Variants in MRAP2 observed in about 807,000 individuals in gnomAD.
MRAP2 encodes melanocortin-2 receptor accessory protein 2.
A neutral mutation model predicts 17.4 loss-of-function variants in MRAP2; 20 were observed. The observed-to-expected ratio is 1.15, with a 90% CI of 0.81 to 1.67. MRAP2 has a LOEUF of 1.67. Among genes scored for constraint, MRAP2 ranks in the 40% most tolerant of loss-of-function variants. MRAP2 has a pLI of 0.00. For synonymous variants in MRAP2, 96 were observed against 88.4 expected (o/e 1.09, Z -0.48); for missense variants, 238 against 240.0 (o/e 0.99, Z 0.05).
chr6:84,040,870 A>G (rs1474947774), intron 1 of MRAP2, among the ~76,000 whole-genome samples: 2 of 152,340 alleles, frequency 1.3e-5, no homozygotes, highest in African/African-American at 4.8e-5. Context: ...ATGTGGTAGA[A>G]AAGAAAAACT....
At chr6:84,094,778 G>A (rs6902104), downstream of MRAP2, among the ~76,000 whole-genome samples, 9,975 of 151,590 alleles carry the variant, frequency 0.066, 867 homozygotes, top group African/African-American at 0.2. Flanking sequence ...TGCAACCCCC[G>A]CCTCCTGGGT....
chr6:84,045,759 C>CA (rs1461409081), intron 1 of MRAP2, among the ~76,000 whole-genome samples: 163 of 149,276 alleles, frequency 1.1e-3, no homozygotes, highest in African/African-American at 3.9e-3. Context: ...AAGACTGTCT[C>CA]ATAAAAAAAA....
chr6:84,050,340 G>A (rs909396912), intron 1 of MRAP2, among the ~76,000 whole-genome samples: 1 of 152,124 alleles, frequency 6.6e-6, no homozygotes. Flanking sequence ...GGACACTGTG[G>A]CAGCTTTGAG....
the MRAP2 span, among the ~76,000 whole-genome samples, chr6:84,111,086 T>G: frequency 6.6e-6 from 1 of 152,194 alleles, no homozygotes; most frequent in South Asian, 2.1e-4. Context: ...CTAAATGAGC[T>G]GTTTTTTTGG....
chr6:84,078,526 G>GCC lies in MRAP2; in HGVS notation c.228-10561_228-10560dup, dbSNP rs2099498179. ...TTGCTATGGCTTGGATAGCTTGTTT[G>GCC]CCCCCACCAAAGCTCATGTTGAAAT... On this transcript the variant is annotated intron_variant, in intron 3 of 3. Coordinates refer to ENST00000257776, the MANE Select transcript of MRAP2 (RefSeq NM_138409.4). Among the ~76,000 whole-genome samples, 4 of 152,220 alleles carry GCC rather than the reference G, an allele frequency of 2.6e-5. 1 individual carries two copies. In the South Asian group the frequency reaches 8.3e-4, roughly 32 times the overall value.
the MRAP2 span, among the ~76,000 whole-genome samples, chr6:84,142,603 T>A: frequency 6.6e-6 from 1 of 152,190 alleles, no homozygotes; most frequent in Non-Finnish European, 1.5e-5. Flanking sequence ...AAATCTGGGA[T>A]ATGATTAGTT....
At chr6:84,126,302 G>A in the MRAP2 span, 1 of 1,084,198 alleles carries the variant, frequency 9.2e-7, no homozygotes, top group Non-Finnish European at 1.2e-6. Flanking sequence ...TTTTGCTAGG[G>A]ATGACAAAAC....
At chr6:84,078,147 A>G (rs2099498064) in intron 3 of MRAP2, among the ~76,000 whole-genome samples, 1 of 152,212 alleles carries the variant, frequency 6.6e-6, no homozygotes, top group South Asian at 2.1e-4. Flanking sequence ...TTGATAAACA[A>G]CTGATTAAAA....
At chr6:84,045,240 T>C in intron 1 of MRAP2, 2 of 985,378 alleles carry the variant, frequency 2.0e-6, no homozygotes, top group South Asian at 9.4e-5. Flanking sequence ...ACGCTGGACA[T>C]GCTGGACATC....
the MRAP2 span, among the ~76,000 whole-genome samples, chr6:84,135,178 G>T: frequency 6.6e-6 from 1 of 152,118 alleles, no homozygotes; most frequent in African/African-American, 2.4e-5. Context: ...TAATTATTAT[G>T]TATTAATAGT....
the MRAP2 span, among the ~76,000 whole-genome samples, chr6:84,131,930 C>T: frequency 1.3e-5 from 2 of 152,196 alleles, no homozygotes; most frequent in African/African-American, 4.8e-5. Context: ...CAGTTTCTTC[C>T]TAGCACTGAT....
the MRAP2 span, among the ~76,000 whole-genome samples, chr6:84,143,212 C>G: frequency 6.6e-6 from 1 of 151,936 alleles, no homozygotes. Context: ...ACCTTATCTA[C>G]CTTGGCTTCT....
chr6:84,059,702 C>A (rs528060852), intron 2 of MRAP2, among the ~76,000 whole-genome samples: 1 of 152,322 alleles, frequency 6.6e-6, no homozygotes, highest in South Asian at 2.1e-4. Context: ...TACCCCTTTA[C>A]AATAGTAGTC....
At chr6:84,047,203 C>CA (rs900095058) in intron 1 of MRAP2, among the ~76,000 whole-genome samples, 34 of 151,484 alleles carry the variant, frequency 2.2e-4, no homozygotes, top group African/African-American at 7.1e-4. Flanking sequence ...TAATTAATTA[C>CA]TTTTTGAGAC....
the MRAP2 span, among the ~76,000 whole-genome samples, chr6:84,140,225 C>T: frequency 7.9e-5 from 12 of 152,070 alleles, no homozygotes; most frequent in East Asian, 1.9e-4. Flanking sequence ...TAATAAGAGA[C>T]GGCAGTCCAT....
chr6:84,042,976 C>A (rs1173240354), intron 1 of MRAP2, among the ~76,000 whole-genome samples: 1 of 152,210 alleles, frequency 6.6e-6, no homozygotes, highest in Non-Finnish European at 1.5e-5. Context: ...CAGCTCAGGA[C>A]CATAATAAAT....
the MRAP2 span, among the ~76,000 whole-genome samples, chr6:84,116,816 C>T: frequency 2.6e-5 from 4 of 152,116 alleles, no homozygotes; most frequent in African/African-American, 9.7e-5. Flanking sequence ...TTGAACCAGC[C>T]TTGCATCCTG....
the MRAP2 span, among the ~76,000 whole-genome samples, chr6:84,122,417 GGATGATTC>G: frequency 6.8e-6 from 1 of 146,916 alleles, no homozygotes; most frequent in South Asian, 2.1e-4. Context: ...TATGTAAGGA[GGATGATTC>G]AACATACAGA....
the MRAP2 span, among the ~76,000 whole-genome samples, chr6:84,096,808 C>G: frequency 6.6e-6 from 1 of 152,062 alleles, no homozygotes; most frequent in South Asian, 2.1e-4. Context: ...CCAAGCCAGT[C>G]AGGGTAAGAT....
Sources: allele counts gnomAD v4.1 joint callset (sites outside exome capture counted in the v4.1 genomes callset), GRCh38; gene constraint gnomAD v4.1.1; transcripts MANE v1.5; gene names NCBI Gene and HGNC (gene_info 2026-07-23, HGNC 2026-07-21).